The following ARHGAP17 variants were observed in gnomAD, a reference collection of about 807,000 sequenced individuals.
ARHGAP17 encodes the protein rho GTPase-activating protein 17.
A neutral mutation model predicts 99.5 loss-of-function variants in ARHGAP17; 57 were observed. The observed-to-expected ratio is 0.57, with a 90% CI of 0.46 to 0.71. The LOEUF is 0.71. Among genes scored for constraint, ARHGAP17 ranks in the 30% least tolerant of loss-of-function variants. The probability of loss-of-function intolerance (pLI) is 0.00; values close to 1 mark genes in which losing one functional copy is unlikely to be tolerated. For missense variants in ARHGAP17, 1,000 were observed against 1,122.4 expected (o/e 0.89, Z 1.56); for synonymous variants, 417 against 429.6 (o/e 0.97, Z 0.36).
intron 1 of ARHGAP17, among the ~76,000 whole-genome samples, chr16:24,982,475 G>T (rs1555467292): frequency 6.6e-6 from 1 of 152,176 alleles, no homozygotes; most frequent in Non-Finnish European, 1.5e-5. Flanking sequence ...CTATAATTGG[G>T]AAGAATTACT....
intron 1 of ARHGAP17, among the ~76,000 whole-genome samples, chr16:24,984,155 G>A (rs1178055654): frequency 3.7e-4 from 56 of 152,118 alleles, no homozygotes; most frequent in Admixed American, 3.7e-3. Context: ...TGGATTTCTG[G>A]TAGTTTCCTT....
Position 24,930,806 on chromosome 16 carries a change from T to C in ARHGAP17, c.2493A>G (p.Pro831=). 6.2e-7 allele frequency: 1 copy of C among 1,614,082 alleles called. No individual in the cohort carries two copies. The highest frequency in any genetic ancestry group is 8.5e-7 in the Non-Finnish European group (1 of 1,180,008). The part of the protein sequence containing the change: ...AGDSSLTNTA[P]TASKIVTDSN... ...TACCTGTTACTATCTTGGAAGCTGT[T>C]GGTGCTGTGTTGGTGAGGCTGCTGT... is the stretch of plus-strand genomic sequence containing the variant. Residue 831 remains proline (P), a synonymous_variant, in exon 19 of 20, where the codon CCA becomes CCG. Coordinates refer to ENST00000289968, the MANE Select transcript of ARHGAP17 (RefSeq NM_001006634.3).
intron 1 of ARHGAP17, among the ~76,000 whole-genome samples, chr16:24,998,010 G>A (rs1340072523): frequency 6.6e-6 from 1 of 152,098 alleles, no homozygotes; most frequent in African/African-American, 2.4e-5. Context: ...AGAGAAGACG[G>A]AGGCTGAGGA....
intron 6 of ARHGAP17, among the ~76,000 whole-genome samples, chr16:24,965,300 C>T (rs2052144188): frequency 6.6e-6 from 1 of 152,294 alleles, no homozygotes; most frequent in East Asian, 1.9e-4. Context: ...GAAACCCCAT[C>T]TCTACTAAAA....
chr16:24,964,017 A>G (rs2052094462), intron 7 of ARHGAP17, among the ~76,000 whole-genome samples, 180 bp downstream of exon 7: 1 of 152,186 alleles, frequency 6.6e-6, no homozygotes, highest in Non-Finnish European at 1.5e-5. Context: ...TGAAATTTAA[A>G]ATGTTTTATT....
intron 19 of ARHGAP17, chr16:24,920,567 C>A: frequency 3.3e-6 from 1 of 302,178 alleles, no homozygotes; most frequent in Non-Finnish European, 6.5e-6. Context: ...CCTCATTCTT[C>A]CCAAGACCTC....
chr16:25,000,075 T>C (rs930167528), intron 1 of ARHGAP17, among the ~76,000 whole-genome samples: 4 of 152,096 alleles, frequency 2.6e-5, no homozygotes, highest in African/African-American at 9.7e-5. Flanking sequence ...ACACAGCGAG[T>C]AAACAGTACA....
At chr16:24,954,825 C>A in intron 9 of ARHGAP17, 95 bp from the exon 10 acceptor site, 1 of 1,521,334 alleles carries the variant, frequency 6.6e-7, no homozygotes, top group South Asian at 1.2e-5. Flanking sequence ...TTCTAGCCGA[C>A]TGGTAGGTGA....
At chr16:24,974,466 C>T (rs2052458058) in intron 3 of ARHGAP17, among the ~76,000 whole-genome samples, 1 of 152,078 alleles carries the variant, frequency 6.6e-6, no homozygotes, top group Non-Finnish European at 1.5e-5. Flanking sequence ...CTTAGCATCT[C>T]GGTTCACCCT....
chr16:24,925,414 A>C (rs1315987460), intron 19 of ARHGAP17, among the ~76,000 whole-genome samples: 4 of 152,178 alleles, frequency 2.6e-5, no homozygotes, highest in Admixed American at 1.3e-4. Flanking sequence ...GAAGAATGAC[A>C]GTCCAACCAA....
chr16:24,920,517 G>A, intron 19 of ARHGAP17: 1 of 382,550 alleles, frequency 2.6e-6, no homozygotes, highest in Non-Finnish European at 4.9e-6. Context: ...TGGAGATGCA[G>A]CTTTTAAAGG....
chr16:24,985,413 G>C (rs2052834201), intron 1 of ARHGAP17, among the ~76,000 whole-genome samples: 1 of 152,168 alleles, frequency 6.6e-6, no homozygotes. Flanking sequence ...GACATGCAAG[G>C]GGAGCATCTG....
chr16:24,924,349 A>C (rs958118106), intron 19 of ARHGAP17, among the ~76,000 whole-genome samples: 3 of 152,080 alleles, frequency 2.0e-5, no homozygotes, highest in Admixed American at 2.0e-4. Context: ...TACTGCTTGG[A>C]GCTAAGTTTA....
intron 11 of ARHGAP17, 29 bp downstream of exon 11, chr16:24,952,902 T>C (rs1388085451): frequency 1.2e-6 from 2 of 1,604,854 alleles, no homozygotes; most frequent in Non-Finnish European, 1.7e-6. Context: ...TGAGGGTGAC[T>C]TGATTTGCAG....
intron 8 of ARHGAP17, 44 bp downstream of exon 8, chr16:24,959,867 C>T (rs775845006): frequency 1.2e-6 from 2 of 1,608,160 alleles, no homozygotes; most frequent in South Asian, 2.2e-5. Context: ...AAAATGACTC[C>T]ATTTTAACAA....
chr16:24,975,996 G>A (rs1404889921), intron 3 of ARHGAP17, among the ~76,000 whole-genome samples: 1 of 151,790 alleles, frequency 6.6e-6, no homozygotes. Context: ...CCCTGGCCTT[G>A]ATAAAGTCTA....
chr16:24,951,825 T>C (rs930086925), intron 12 of ARHGAP17, among the ~76,000 whole-genome samples: 1 of 152,230 alleles, frequency 6.6e-6, no homozygotes, highest in Non-Finnish European at 1.5e-5. Flanking sequence ...TTAGTTGTTT[T>C]GAGGGAGTTA....
chr16:25,015,139 T>TGGGGGGG, intron 1 of ARHGAP17, 70 bp downstream of exon 1: 2 of 1,195,768 alleles, frequency 1.7e-6, no homozygotes, highest in Non-Finnish European at 1.0e-6. Context: ...GGAGGAGCCG[T>TGGGGGGG]CCCGCCCCCG....
intron 1 of ARHGAP17, among the ~76,000 whole-genome samples, chr16:24,998,996 T>C (rs573746611): frequency 6.6e-6 from 1 of 152,044 alleles, no homozygotes; most frequent in Admixed American, 6.5e-5. Flanking sequence ...TGAACCACAG[T>C]GGCGAATGTC....
Sources: allele counts gnomAD v4.1 joint callset (sites outside exome capture counted in the v4.1 genomes callset), GRCh38; gene constraint gnomAD v4.1.1; transcripts MANE v1.5; gene names NCBI Gene and HGNC (gene_info 2026-07-23, HGNC 2026-07-21).